ITPR3: variants seen among roughly 807,000 people sequenced by gnomAD.
ITPR3 encodes the protein inositol 1,4,5-trisphosphate-gated calcium channel ITPR3.
In ITPR3, 173 loss-of-function variants were observed where a neutral mutation model predicts 293.2. That is an observed-to-expected ratio of 0.59 (90% CI 0.52 to 0.67). ITPR3 has a LOEUF of 0.67. ITPR3 is among the 30% of genes least tolerant of loss of function. ITPR3 has a pLI of 0.00. For missense variants in ITPR3, 2,796 were observed against 3,592.1 expected (o/e 0.78, Z 5.66); for synonymous variants, 1,295 against 1,444.4 (o/e 0.90, Z 2.35).
chr6:33,656,010 T>C, intron 3 of ITPR3, 123 bp downstream of exon 3: 2 of 1,284,030 alleles, frequency 1.6e-6, no homozygotes, highest in East Asian at 2.5e-5. Flanking sequence ...TTTCTAAAAC[T>C]CGTATGGGCG....
intron 2 of ITPR3, among the ~76,000 whole-genome samples, chr6:33,641,326 G>C (rs1019851211): frequency 6.6e-6 from 1 of 152,194 alleles, no homozygotes; most frequent in African/African-American, 2.4e-5. Context: ...GCAGCAACAC[G>C]CTGGGCCTGC....
In ITPR3 at chr6:33,684,537, C is replaced by A; in HGVS notation, c.5047-61C>A. ...CCCAGGGGCTCAGGGTCAAGCCCGT[C>A]AGGCCAGTGGTCAGTGGTGGGCTGT... On this transcript the variant is annotated intron_variant, in intron 37 of 57. Transcript: ENST00000605930. This position sits in a 1 kb window ranked among gnomAD's most constrained non-coding sequence, Gnocchi z 4.2. 1 of 1,606,220 alleles carries A rather than the reference C, an allele frequency of 6.2e-7. No homozygotes were observed. The highest frequency in any genetic ancestry group is 1.1e-5 in the South Asian group (1 of 90,930).
chr6:33,679,817 C>A lies in ITPR3; in HGVS notation c.3973-65C>A, dbSNP rs4713653. The A allele has an allele frequency of 0.67, 1,040,830 of 1,543,418 alleles. 354,773 individuals carry two copies. The highest frequency in any genetic ancestry group is 0.86 in the East Asian group (38,004 of 44,074). On this transcript the variant is annotated intron_variant, in intron 30 of 57. Coordinates refer to ENST00000605930, the MANE Select transcript of ITPR3 (RefSeq NM_002224.4). This position sits in a 1 kb window ranked among gnomAD's most constrained non-coding sequence, Gnocchi z 4.2. ...GTCCCAGTTTCTCCCTGGTAAGCAA[C>A]GGAGAGGAGAGCCCAGGGCTTGCTG...
Position 33,673,702 on chromosome 6 carries a change from C to A in ITPR3, c.3040C>A (p.Pro1014Thr), listed in dbSNP as rs373292768. ...GGACAGTGGGGCTGATGGCACAGCC[C>A]CTGCCTTCGACTCTACCAGTAAGCC... Reference protein sequence around the residue: ...MQDSGADGTAPAFDSTTANMN... With the variant: ...MQDSGADGTATAFDSTTANMN... Residue 1014 changes from proline to threonine, a missense_variant, in exon 23 of 58, where the codon CCT becomes ACT. This residue lies in a region of ITPR3 where 955 missense variants were observed against 1,180.8 expected (regional missense o/e 0.81). Coordinates refer to ENST00000605930, the MANE Select transcript of ITPR3 (RefSeq NM_002224.4). The A allele has an allele frequency of 4.1e-5, 66 of 1,614,030 alleles. No individual in the cohort carries two copies. The highest frequency in any genetic ancestry group is 4.8e-5 in the Non-Finnish European group (57 of 1,179,998).
Position 33,679,863 on chromosome 6 carries a change from TGCCCC to T in ITPR3, c.3973-18_3973-14del, listed in dbSNP as rs1765018837. 8.1e-6 allele frequency: 13 copies of T among 1,601,182 alleles called. No individual in the cohort carries two copies. The highest frequency in any genetic ancestry group is 1.0e-5 in the Non-Finnish European group (12 of 1,171,602). ...TGCTGGACCGAGAGAGTGTGACACG[TGCCCC>T]CTCCCACCCGCAGCTGACCAATGCA... On this transcript the variant is annotated splice_polypyrimidine_tract_variant and intron_variant, in intron 30 of 57. Transcript: ENST00000605930. The surrounding 1 kb of genome is among the most constrained non-coding windows in gnomAD (Gnocchi z 4.2).
chr6:33,637,813 C>CT (rs56694936), intron 1 of ITPR3, among the ~76,000 whole-genome samples: 14,332 of 140,180 alleles, frequency 0.1, 736 homozygotes, highest in Non-Finnish European at 0.12. Context: ...TTCTTTCTTT[C>CT]TTTTTTTTTT....
At chr6:33,693,895 T>C (rs987852468) in intron 56 of ITPR3, among the ~76,000 whole-genome samples, 190 bp downstream of exon 56, 1 of 152,162 alleles carries the variant, frequency 6.6e-6, no homozygotes, top group African/African-American at 2.4e-5. Flanking sequence ...TGTTGAAAGG[T>C]CAGCAGGGCG....
Position 33,671,216 on chromosome 6 carries a change from G to C in ITPR3, c.2638G>C (p.Glu880Gln). The C allele has an allele frequency of 6.2e-7, 1 of 1,613,758 alleles. No individual in the cohort carries two copies. The highest frequency in any genetic ancestry group is 8.5e-7 in the Non-Finnish European group (1 of 1,179,966). Residue 880 changes from glutamate (E) to glutamine (Q), a missense_variant, in exon 21 of 58, where the codon GAG (glutamate) becomes CAG (glutamine). Transcript: ENST00000605930. ...CTACTTCGGCTTCTACAGCTTCAGCGAGCTGCTGCGGCTCACTCGCACACT... is the reference window on the plus strand; with the variant it reads ...CTACTTCGGCTTCTACAGCTTCAGCCAGCTGCTGCGGCTCACTCGCACACT... Reference protein sequence around the residue: ...LIYFGFYSFSELLRLTRTLLG... With the variant: ...LIYFGFYSFSQLLRLTRTLLG...
At chr6:33,663,645 AG>A in intron 10 of ITPR3, 92 bp from the exon 11 acceptor site, 1 of 1,606,984 alleles carries the variant, frequency 6.2e-7, no homozygotes, top group Admixed American at 1.7e-5. Context: ...GGTGGGCTGG[AG>A]GGAGACAGAT....
chr6:33,656,006 A>C, intron 3 of ITPR3, 119 bp downstream of exon 3: 1 of 1,329,480 alleles, frequency 7.5e-7, no homozygotes, highest in Non-Finnish European at 1.0e-6. Context: ...GTGGTTTCTA[A>C]AACTCGTATG....
intron 21 of ITPR3, 46 bp from the exon 22 acceptor site, chr6:33,671,982 AG>A: frequency 6.5e-7 from 1 of 1,535,916 alleles, no homozygotes; most frequent in South Asian, 1.2e-5. Context: ...CCCTGTGTAC[AG>A]CCTCTACAAC....
intron 40 of ITPR3, 49 bp from the exon 41 acceptor site, chr6:33,685,594 G>A: frequency 6.3e-7 from 1 of 1,590,476 alleles, no homozygotes; most frequent in Non-Finnish European, 8.6e-7. Context: ...TGTGCAGGGG[G>A]GTGGCCAAGG....
At position 33,695,903 on chromosome 6, in the gene ITPR3, C is replaced by T. The variant is rs1765533051; in HGVS notation, c.*123C>T. On this transcript the variant is annotated 3_prime_UTR_variant, in exon 58 of 58. Transcript: ENST00000605930. ...CTGGCCAGCCTCCACTCCCACTCTG[C>T]CAGACACCCTGACACCCACCCAGGC... 6 of 865,176 alleles carry T rather than the reference C, an allele frequency of 6.9e-6. No homozygotes were observed. In the Admixed American group the frequency reaches 1.0e-4, roughly 15 times the overall value. The allele number at this position is 865,176 out of a possible 1,614,324, so 53.6% of individuals were successfully genotyped here.
intron 2 of ITPR3, among the ~76,000 whole-genome samples, chr6:33,648,340 A>G (rs1293845309): frequency 6.6e-6 from 1 of 152,070 alleles, no homozygotes; most frequent in Non-Finnish European, 1.5e-5. Flanking sequence ...TGTTAGGATT[A>G]CAGGCATGAG....
Position 33,691,043 on chromosome 6 carries a change from G to A in ITPR3, c.7159G>A (p.Gly2387Ser), listed in dbSNP as rs1477631898. 3.1e-6 allele frequency: 5 copies of A among 1,613,976 alleles called. No individual in the cohort carries two copies. Among genetic ancestry groups the A allele is most frequent in the African/African-American group, 1.3e-5 (1 of 74,888 alleles). ...LILVYLFSIV[G>S]FLFLKDDFIL... ...CCTGGTCTACCTCTTCTCCATCGTC[G>A]GCTTCCTCTTCCTCAAGGATGACTT... Residue 2387 changes from glycine to serine, a missense_variant, in exon 52 of 58, where the codon GGC (glycine) becomes AGC (serine). Physicochemically the swap from Gly to Ser is moderately conservative, Grantham distance 56. Coordinates refer to ENST00000605930, the MANE Select transcript of ITPR3 (RefSeq NM_002224.4). This position sits in a 1 kb window ranked among gnomAD's most constrained non-coding sequence, Gnocchi z 4.9.
Position 33,682,794 on chromosome 6 carries a change from T to C in ITPR3, c.4597+150T>C. ...CAGTAAGTTCTTCTTGGCGTCTGCC[T>C]CATCCTGGCAATTGAGAGAAGCTGT... is the stretch of plus-strand genomic sequence containing the variant. On this transcript the variant is annotated intron_variant, in intron 34 of 57. Transcript: ENST00000605930. The surrounding 1 kb of genome is among the most constrained non-coding windows in gnomAD (Gnocchi z 5.4). 1 of 1,043,960 alleles carries C rather than the reference T, an allele frequency of 9.6e-7. No homozygotes were observed. The highest frequency in any genetic ancestry group is 1.3e-6 in the Non-Finnish European group (1 of 761,686). 64.7% of individuals were successfully genotyped at this position (1,043,960 alleles called of 1,614,324 possible).
Position 33,671,259 on chromosome 6 carries a change from G to A in ITPR3, c.2681G>A (p.Cys894Tyr), listed in dbSNP as rs746132368. The A allele has an allele frequency of 3.5e-5, 56 of 1,613,672 alleles. No homozygotes were observed. Among genetic ancestry groups the A allele is most frequent in the Non-Finnish European group, 4.7e-5 (55 of 1,179,974 alleles). The change falls in exon 21 of 58, where the codon TGT becomes TAT. Residue 894 changes from cysteine (C) to tyrosine (Y), a missense_variant. This residue lies in a region of ITPR3 where 955 missense variants were observed against 1,180.8 expected (regional missense o/e 0.81). Transcript: ENST00000605930. ...LTRTLLGIIDCVQGPPAMLQA... is the reference protein window; with the variant it reads ...LTRTLLGIIDYVQGPPAMLQA... ...CGCACACTGCTGGGCATCATCGACT[G>A]TGTGCAGGGGCCCCCGGCCATGCTG...
chr6:33,677,326 T>C (rs547141251), intron 27 of ITPR3, among the ~76,000 whole-genome samples, 178 bp from the exon 28 acceptor site: 1 of 152,316 alleles, frequency 6.6e-6, no homozygotes, highest in South Asian at 2.1e-4. Context: ...TTTACTTTTA[T>C]GGGTGGAATT....
Position 33,667,803 on chromosome 6 carries a change from C to T in ITPR3, c.1725C>T (p.Ala575=), listed in dbSNP as rs756079127. Residue 575 remains alanine (A), a synonymous_variant, in exon 16 of 58, where the codon GCC becomes GCT. Coordinates refer to ENST00000605930, the MANE Select transcript of ITPR3 (RefSeq NM_002224.4). The surrounding 1 kb of genome is among the most constrained non-coding windows in gnomAD (Gnocchi z 4.4). ...GTCTGCCCCCCCAGGAGCACATTGC[C>T]AAGCAGTTTGGGATGATGCAGTCCC... ...EDYRKNQEHI[A]KQFGMMQSQI... 3.7e-6 allele frequency: 6 copies of T among 1,613,962 alleles called. No individual in the cohort carries two copies. Among genetic ancestry groups the T allele is most frequent in the Middle Eastern group, 1.6e-4 (1 of 6,082 alleles).
Sources: gnomAD v4.1 joint callset for allele counts (sites outside exome capture counted in the v4.1 genomes callset) on GRCh38, gnomAD v4.1.1 for gene constraint, gnomAD v4.1.1 regional missense constraint, Gnocchi (gnomAD v3.1) non-coding constraint, MANE v1.5 for transcripts, NCBI Gene and HGNC (gene_info 2026-07-23, HGNC 2026-07-21) for gene names.